Variants in WASHC5 observed in about 807,000 individuals in gnomAD.
The protein encoded by WASHC5 is WASH complex subunit strumpellin.
Under a neutral mutation model 150.4 loss-of-function variants are expected in WASHC5, and 101 were observed. The observed-to-expected ratio is 0.67, with a 90% CI of 0.57 to 0.79. The LOEUF is 0.79. WASHC5 is among the 30% of genes least tolerant of loss of function. The pLI, the probability that WASHC5 is intolerant of heterozygous loss-of-function variation, is 0.00. For synonymous variants in WASHC5, 467 were observed against 491.2 expected (o/e 0.95, Z 0.65); for missense variants, 1,195 against 1,396.3 (o/e 0.86, Z 2.30).
At chr8:125,088,646 G>A (rs1817498304) in intron 1 of WASHC5, among the ~76,000 whole-genome samples, 1 of 152,018 alleles carries the variant, frequency 6.6e-6, no homozygotes, top group African/African-American at 2.4e-5. Flanking sequence ...GAACTTGAAA[G>A]TAGATCCCTT....
intron 17 of WASHC5, among the ~76,000 whole-genome samples, chr8:125,053,611 G>A (rs1193161893): frequency 6.6e-6 from 1 of 151,926 alleles, no homozygotes; most frequent in Non-Finnish European, 1.5e-5. Flanking sequence ...AATATTCTAG[G>A]AAATACCATG....
At chr8:125,074,910 A>C in intron 8 of WASHC5, 88 bp downstream of exon 8, 2 of 833,198 alleles carry the variant, frequency 2.4e-6, no homozygotes, top group Non-Finnish European at 4.2e-6. Context: ...ATTATCTTCC[A>C]AATTCCTTGG....
chr8:125,051,226 A>C (rs2130058360), intron 17 of WASHC5, among the ~76,000 whole-genome samples: 1 of 152,354 alleles, frequency 6.6e-6, no homozygotes, highest in Non-Finnish European at 1.5e-5. Flanking sequence ...TAACTCTACA[A>C]GCTTACTTTG....
intron 27 of WASHC5, 41 bp from the exon 28 acceptor site, chr8:125,028,748 C>T: frequency 1.5e-6 from 2 of 1,345,548 alleles, no homozygotes; most frequent in Non-Finnish European, 2.1e-6. Context: ...CTGCTTTGCA[C>T]ATCATAAGCC....
intron 26 of WASHC5, 95 bp downstream of exon 26, chr8:125,037,142 A>C (rs1217324167): frequency 1.3e-6 from 1 of 768,484 alleles, no homozygotes; most frequent in African/African-American, 1.7e-5. Flanking sequence ...AAAAGATCTC[A>C]TATCCGACAT....
At chr8:125,033,154 C>T (rs1284410160) in intron 26 of WASHC5, among the ~76,000 whole-genome samples, 1 of 152,068 alleles carries the variant, frequency 6.6e-6, no homozygotes, top group Non-Finnish European at 1.5e-5. Flanking sequence ...AGATTAGGGT[C>T]TTCCAGAAGA....
chr8:125,064,066 T>C (rs1816680371), intron 10 of WASHC5, among the ~76,000 whole-genome samples: 2 of 152,212 alleles, frequency 1.3e-5, no homozygotes, highest in African/African-American at 2.4e-5. Context: ...TCAGGGACAG[T>C]TTGTGTATTA....
intron 17 of WASHC5, among the ~76,000 whole-genome samples, chr8:125,052,579 CAT>C (rs1230260532): frequency 2.0e-5 from 3 of 149,930 alleles, no homozygotes; most frequent in Non-Finnish European, 3.0e-5. Context: ...CATATATACA[CAT>C]AGTTGCATGC....
intron 8 of WASHC5, among the ~76,000 whole-genome samples, chr8:125,074,168 A>T (rs989756300): frequency 2.0e-5 from 3 of 152,370 alleles, no homozygotes; most frequent in Middle Eastern, 6.8e-3. Context: ...AAACCTCTTA[A>T]AAATGTCACA....
At chr8:125,042,913 T>C in intron 23 of WASHC5, among the ~76,000 whole-genome samples, 1 of 152,206 alleles carries the variant, frequency 6.6e-6, no homozygotes, top group East Asian at 1.9e-4. Flanking sequence ...TATTGTGAAT[T>C]TGGCTAAGAT....
chr8:125,079,315 T>G lies in WASHC5; in HGVS notation c.519-385A>C, dbSNP rs28653090. On this transcript the variant is annotated intron_variant, in intron 5 of 28. Transcript: ENST00000318410. The stretch of plus-strand genomic sequence containing the variant: ...AAGCAATTCTCCTGCCTCAGCCTCC[T>G]GAGTAACTGGGACTACAGGCATTTG... 9.5e-5 allele frequency among the ~76,000 whole-genome samples: 14 copies of G among 147,936 alleles called. No homozygotes were observed. The East Asian group carries it at 2.9e-3, about 31-fold the overall frequency.
chr8:125,044,157 G>T, intron 21 of WASHC5, 63 bp from the exon 22 acceptor site: 1 of 1,107,334 alleles, frequency 9.0e-7, no homozygotes, highest in Non-Finnish European at 1.4e-6. Context: ...AAATTCTCCA[G>T]TTACCTAAAA....
At chr8:125,084,687 G>A (rs754647591) in intron 1 of WASHC5, among the ~76,000 whole-genome samples, 11 of 152,118 alleles carry the variant, frequency 7.2e-5, no homozygotes, top group Admixed American at 1.3e-4. Context: ...GAATATTATC[G>A]TTGCTTACAG....
intron 18 of WASHC5, among the ~76,000 whole-genome samples, chr8:125,050,017 T>TA (rs539970673): frequency 4.8e-5 from 7 of 147,074 alleles, no homozygotes; most frequent in Non-Finnish European, 8.9e-5. Flanking sequence ...TATAAAGAAA[T>TA]AAAAAAAAAG....
chr8:125,045,190 A>C (rs1816025873), intron 20 of WASHC5, among the ~76,000 whole-genome samples: 1 of 152,248 alleles, frequency 6.6e-6, no homozygotes, highest in Non-Finnish European at 1.5e-5. Flanking sequence ...CCAGTTCCTT[A>C]AACTTGTAGA....
Position 125,024,307 on chromosome 8 carries a change from A to C in WASHC5, c.*310T>G. On this transcript the variant is annotated 3_prime_UTR_variant, in exon 29 of 29. Coordinates refer to ENST00000318410, the MANE Select transcript of WASHC5 (RefSeq NM_014846.4). Reference sequence around the variant, plus strand: ...TTACTGAAAATCTGGAGTTGCACAAATAGTTCTTTAGAACATAAAACTAAA... The same window carrying C: ...TTACTGAAAATCTGGAGTTGCACAACTAGTTCTTTAGAACATAAAACTAAA... The C allele has an allele frequency of 2.5e-6, 1 of 398,870 alleles. No homozygotes were observed. Among genetic ancestry groups the C allele is most frequent in the South Asian group, 2.7e-5 (1 of 36,618 alleles). The allele number at this position is 398,870 out of a possible 1,614,324, so 24.7% of individuals were successfully genotyped here.
At chr8:125,057,529 T>C in intron 15 of WASHC5, 27 bp downstream of exon 15, 1 of 1,422,660 alleles carries the variant, frequency 7.0e-7, no homozygotes, top group Non-Finnish European at 9.9e-7. Context: ...CTGGCAAGAG[T>C]AAATATCACC....
intron 27 of WASHC5, 127 bp from the exon 28 acceptor site, chr8:125,028,834 G>C: frequency 2.8e-6 from 2 of 708,524 alleles, no homozygotes; most frequent in Middle Eastern, 4.7e-4. Context: ...AAAACATTGA[G>C]CATGCTCTTA....
At chr8:125,085,307 A>C (rs928551085) in intron 1 of WASHC5, among the ~76,000 whole-genome samples, 1 of 152,242 alleles carries the variant, frequency 6.6e-6, no homozygotes, top group Non-Finnish European at 1.5e-5. Context: ...ACATCTAGGA[A>C]TTCGGGGCTA....
Sources: allele counts gnomAD v4.1 joint callset (sites outside exome capture counted in the v4.1 genomes callset), GRCh38; gene constraint gnomAD v4.1.1; transcripts MANE v1.5; gene names NCBI Gene and HGNC (gene_info 2026-07-23, HGNC 2026-07-21).